Variants in KCNH7 observed in about 807,000 individuals in gnomAD.
KCNH7 encodes potassium voltage-gated channel subfamily H member 7.
In KCNH7, 49 loss-of-function variants were observed where a neutral mutation model predicts 120.8. The observed-to-expected ratio is 0.41, with a 90% confidence interval of 0.32 to 0.51. KCNH7 has a LOEUF of 0.51. Ranked by LOEUF, KCNH7 falls within the 20% of genes least tolerant of loss-of-function variation. The pLI is 0.38. For missense variants in KCNH7, 1,097 were observed against 1,446.6 expected (o/e 0.76, Z 3.92); for synonymous variants, 547 against 516.1 (o/e 1.06, Z -0.81).
Position 162,511,226 on chromosome 2 carries a change from A to G in KCNH7, c.913+1428T>C, listed in dbSNP as rs564737071. Among the ~76,000 whole-genome samples, 90 of 151,868 alleles carry G rather than the reference A, an allele frequency of 5.9e-4. 1 individual carries two copies. Among genetic ancestry groups the G allele is most frequent in the Non-Finnish European group, 1.2e-3 (80 of 67,794 alleles). ...CTGTACTTTGACATATATGTGAACT[A>G]GTAGTTTGAAAGTTAAACAAGTCCA... On this transcript the variant is annotated intron_variant, in intron 5 of 15. Transcript: ENST00000332142.
intron 9 of KCNH7, among the ~76,000 whole-genome samples, chr2:162,410,552 A>G (rs896389261): frequency 6.6e-6 from 1 of 152,008 alleles, no homozygotes; most frequent in African/African-American, 2.4e-5. Context: ...AAAATTTATG[A>G]CTAAATCCCC....
chr2:162,478,450 T>C (rs887710572), intron 6 of KCNH7, among the ~76,000 whole-genome samples: 9 of 152,184 alleles, frequency 5.9e-5, no homozygotes, highest in Non-Finnish European at 1.3e-4. Flanking sequence ...TAAAATGTTG[T>C]AAGTGTAATA....
intron 6 of KCNH7, among the ~76,000 whole-genome samples, chr2:162,494,327 T>C (rs1036449769): frequency 1.3e-5 from 2 of 152,166 alleles, no homozygotes; most frequent in Non-Finnish European, 2.9e-5. Context: ...TGTGAACCTT[T>C]ACTCTTTTGG....
intron 2 of KCNH7, among the ~76,000 whole-genome samples, chr2:162,764,181 A>T (rs956972800): frequency 1.3e-5 from 2 of 152,146 alleles, no homozygotes; most frequent in African/African-American, 2.4e-5. Context: ...ATGTCAGAGT[A>T]CTGCAAATCA....
At chr2:162,648,643 C>A (rs1192152556) in intron 2 of KCNH7, among the ~76,000 whole-genome samples, 2 of 152,130 alleles carry the variant, frequency 1.3e-5, no homozygotes, top group African/African-American at 2.4e-5. Context: ...CAATCCATAT[C>A]TTACTTTTTA....
At chr2:162,641,187 C>T (rs889866022) in intron 2 of KCNH7, among the ~76,000 whole-genome samples, 6 of 152,118 alleles carry the variant, frequency 3.9e-5, no homozygotes, top group Non-Finnish European at 8.8e-5. Context: ...AACTTATGCT[C>T]ATGTAAAACC....
intron 2 of KCNH7, among the ~76,000 whole-genome samples, chr2:162,733,910 C>G (rs1015498855): frequency 3.3e-5 from 5 of 152,070 alleles, no homozygotes; most frequent in Admixed American, 3.3e-4. Flanking sequence ...TAACTGAAGT[C>G]TCACCATGTA....
intron 2 of KCNH7, among the ~76,000 whole-genome samples, chr2:162,543,638 T>C (rs1692386912): frequency 6.6e-6 from 1 of 152,098 alleles, no homozygotes; most frequent in Non-Finnish European, 1.5e-5. Context: ...ATTTCTTGGA[T>C]GTGCAGCTCT....
chr2:162,722,209 C>T (rs1289429584), intron 2 of KCNH7, among the ~76,000 whole-genome samples: 2 of 151,808 alleles, frequency 1.3e-5, no homozygotes, highest in Non-Finnish European at 2.9e-5. Context: ...AGTAAGTGTA[C>T]TCAGATAGTT....
chr2:162,525,510 G>A (rs1691669832), intron 3 of KCNH7, among the ~76,000 whole-genome samples: 1 of 151,896 alleles, frequency 6.6e-6, no homozygotes, highest in East Asian at 2.0e-4. Context: ...AGTGAGAGGG[G>A]ATTGGGAATG....
In KCNH7 at chr2:162,442,322, G is replaced by C. The variant is rs374434138; in HGVS notation, c.1554+3696C>G. 2.6e-5 allele frequency among the ~76,000 whole-genome samples: 4 copies of C among 151,756 alleles called. No individual in the cohort carries two copies. In the East Asian group the frequency reaches 7.8e-4, roughly 30 times the overall value. ...ATTACAGGCGTGAGCCACTGCGCCC[G>C]GCCGTGACATGTCTTCTTTAGTAAA... On this transcript the variant is annotated intron_variant, in intron 7 of 15. Coordinates refer to ENST00000332142, the MANE Select transcript of KCNH7 (RefSeq NM_033272.4).
At chr2:162,788,121 A>T (rs1363317695) in intron 2 of KCNH7, among the ~76,000 whole-genome samples, 1 of 152,214 alleles carries the variant, frequency 6.6e-6, no homozygotes, top group East Asian at 1.9e-4. Context: ...AAAATAAAGC[A>T]TCCATAGCCT....
At chr2:162,585,872 T>A (rs538398119) in intron 2 of KCNH7, among the ~76,000 whole-genome samples, 1 of 152,010 alleles carries the variant, frequency 6.6e-6, no homozygotes, top group African/African-American at 2.4e-5. Context: ...ATATATATTA[T>A]ACAGAAATGC....
At chr2:162,700,383 G>A (rs1388133083) in intron 2 of KCNH7, among the ~76,000 whole-genome samples, 1 of 152,162 alleles carries the variant, frequency 6.6e-6, no homozygotes, top group African/African-American at 2.4e-5. Flanking sequence ...CTCGTGACTG[G>A]AAAGTCAGAG....
chr2:162,626,227 T>C (rs1683553836), intron 2 of KCNH7, among the ~76,000 whole-genome samples: 2 of 152,126 alleles, frequency 1.3e-5, no homozygotes. Flanking sequence ...AACAGGCGAT[T>C]TGTTAATTAA....
At chr2:162,459,794 G>A (rs962760868) in intron 6 of KCNH7, among the ~76,000 whole-genome samples, 1 of 152,024 alleles carries the variant, frequency 6.6e-6, no homozygotes, top group African/African-American at 2.4e-5. Flanking sequence ...GGGGTGAATA[G>A]CGGTAAAGAA....
At chr2:162,607,317 C>T (rs1233917280) in intron 2 of KCNH7, among the ~76,000 whole-genome samples, 4 of 150,922 alleles carry the variant, frequency 2.7e-5, no homozygotes, top group African/African-American at 9.7e-5. Flanking sequence ...TTGAACCCAG[C>T]AGGTGGAAGT....
At chr2:162,522,666 C>A (rs1330797475) in intron 3 of KCNH7, among the ~76,000 whole-genome samples, 2 of 151,682 alleles carry the variant, frequency 1.3e-5, no homozygotes, top group East Asian at 3.9e-4. Flanking sequence ...TACTATTTAA[C>A]CTATTTACTA....
chr2:162,609,546 T>C (rs939265373), intron 2 of KCNH7, among the ~76,000 whole-genome samples: 1 of 152,162 alleles, frequency 6.6e-6, no homozygotes, highest in African/African-American at 2.4e-5. Flanking sequence ...TAGTCTAACC[T>C]TTTTATTGAT....
Sources: allele counts gnomAD v4.1 joint callset (sites outside exome capture counted in the v4.1 genomes callset), GRCh38; gene constraint gnomAD v4.1.1; transcripts MANE v1.5; gene names NCBI Gene and HGNC (gene_info 2026-07-23, HGNC 2026-07-21).